Variants in DHRS4 observed in about 807,000 individuals in gnomAD.
DHRS4 encodes the protein dehydrogenase/reductase 4, also known as dehydrogenase/reductase SDR family member 4.
DHRS4 carries 20 observed loss-of-function variants against 28.4 expected under a neutral mutation model. That is an observed-to-expected ratio of 0.71 (90% CI 0.50 to 1.02). The LOEUF is 1.02. Among genes scored for constraint, DHRS4 ranks in the 50% least tolerant of loss-of-function variants. The pLI is 0.00. For missense variants in DHRS4, 378 were observed against 367.2 expected, an observed-to-expected ratio of 1.03 and a Z score of -0.24; for synonymous variants, 144 against 146.4, an observed-to-expected ratio of 0.98 and a Z score of 0.12.
chr14:23,963,337 A>G (rs2033490909), intron 3 of DHRS4, among the ~76,000 whole-genome samples: 1 of 123,366 alleles, frequency 8.1e-6, no homozygotes. Context: ...TTTCATCTAC[A>G]TTGAAAATCT....
At position 23,955,103 on chromosome 14, in the gene DHRS4, A is replaced by C. The variant is rs1302542415; in HGVS notation, c.197A>C (p.Gln66Pro). Residue 66 changes from glutamine (Q) to proline (P), a missense_variant, in exon 2 of 8, where the codon CAG becomes CCG. By Grantham distance (76) the Gln-to-Pro change is moderately conservative (BLOSUM62 -1). Coordinates refer to ENST00000313250, the MANE Select transcript of DHRS4 (RefSeq NM_021004.4). ...CATGTGGTCGTCAGCAGCCGGAAGC[A>C]GCAGAATGTGGACCAGGCGGTGGCC... ...GAHVVVSSRK[Q>P]QNVDQAVATL... 74 of 1,614,046 alleles carry C rather than the reference A, an allele frequency of 4.6e-5. No homozygotes were observed. The highest frequency in any genetic ancestry group is 6.1e-5 in the Non-Finnish European group (72 of 1,179,996).
chr14:23,964,919 G>T (rs1425039056), intron 3 of DHRS4, among the ~76,000 whole-genome samples: 2 of 147,442 alleles, frequency 1.4e-5, no homozygotes, highest in African/African-American at 2.5e-5. Context: ...TTTTATTTTT[G>T]TTCTTTGTAA....
At chr14:23,966,641 C>A (rs1238796819) in intron 6 of DHRS4, among the ~76,000 whole-genome samples, 6 of 151,972 alleles carry the variant, frequency 3.9e-5, no homozygotes, top group African/African-American at 1.2e-4. Context: ...ACTGTACTCA[C>A]ACTGTTTCCT....
In DHRS4 at chr14:23,955,128, C is replaced by T; in HGVS notation, c.222C>T (p.Ala74=). Residue 74 remains alanine, a synonymous_variant, in exon 2 of 8, where the codon GCC becomes GCT. Coordinates refer to ENST00000313250, the MANE Select transcript of DHRS4 (RefSeq NM_021004.4). ...AGCAGAATGTGGACCAGGCGGTGGC[C>T]ACGCTGCAGGGGGAGGGGCTGAGCG... ...RKQQNVDQAV[A]TLQGEGLSVT... The T allele has an allele frequency of 6.2e-7, 1 of 1,614,044 alleles. No individual in the cohort carries two copies. Among genetic ancestry groups the T allele is most frequent in the Admixed American group, 1.7e-5 (1 of 60,016 alleles).
At chr14:23,957,122 G>C (rs2033208497) in intron 2 of DHRS4, among the ~76,000 whole-genome samples, 1 of 152,146 alleles carries the variant, frequency 6.6e-6, no homozygotes, top group Admixed American at 6.5e-5. Context: ...TCCAGGTTTA[G>C]AGCAGTGGCG....
At chr14:23,958,082 TG>T (rs1368399021) in intron 2 of DHRS4, among the ~76,000 whole-genome samples, 1 of 151,964 alleles carries the variant, frequency 6.6e-6, no homozygotes, top group Non-Finnish European at 1.5e-5. Context: ...ACAAGTCCAT[TG>T]GTGAGACTTA....
chr14:23,960,386 GTAAT>G (rs2033368825), intron 3 of DHRS4, among the ~76,000 whole-genome samples: 1 of 151,950 alleles, frequency 6.6e-6, no homozygotes, highest in Admixed American at 6.6e-5. Context: ...CTGACAAAAA[GTAAT>G]TATTTTTTAC....
rs1199898113 is a variant in DHRS4, at chr14:23,964,244, A to C, written c.409-1518A>C. Among the ~76,000 whole-genome samples the C allele has an allele frequency of 1.3e-4, 18 of 136,988 alleles. 1 individual carries two copies. The highest frequency in any genetic ancestry group is 2.3e-4 in the African/African-American group (8 of 35,392). 89.9% of individuals were successfully genotyped at this position (136,988 alleles called of 152,430 possible). Reference sequence around the variant, plus strand: ...GTAAAAAAAAAAAAAAAAAAAAAAAAAAAAAAAAAACACAATATCTGCAAA... The same window carrying C: ...GTAAAAAAAAAAAAAAAAAAAAAAACAAAAAAAAAACACAATATCTGCAAA... On this transcript the variant is annotated intron_variant, in intron 3 of 7. Transcript: ENST00000313250.
At position 23,955,098 on chromosome 14, in the gene DHRS4, G is replaced by C; in HGVS notation, c.192G>C (p.Arg64=). The change falls in exon 2 of 8, where the codon CGG becomes CGC. Residue 64 remains arginine, a synonymous_variant. Coordinates refer to ENST00000313250, the MANE Select transcript of DHRS4 (RefSeq NM_021004.4). ...GGGCCCATGTGGTCGTCAGCAGCCG[G>C]AAGCAGCAGAATGTGGACCAGGCGG... is the stretch of plus-strand genomic sequence containing the variant. ...QDGAHVVVSS[R]KQQNVDQAVA... 1 of 1,614,190 alleles carries C rather than the reference G, an allele frequency of 6.2e-7. No homozygotes were observed. Among genetic ancestry groups the C allele is most frequent in the Non-Finnish European group, 8.5e-7 (1 of 1,180,002 alleles).
chr14:23,955,643 A>G (rs1202659160), intron 2 of DHRS4, among the ~76,000 whole-genome samples: 2 of 151,874 alleles, frequency 1.3e-5, no homozygotes, highest in Non-Finnish European at 2.9e-5. Context: ...TACACAGGTT[A>G]TCTCTAGACC....
chr14:23,968,618 T>C, intron 7 of DHRS4, 139 bp from the exon 8 acceptor site: 1 of 1,407,356 alleles, frequency 7.1e-7, no homozygotes. Context: ...CCCTATTTGA[T>C]AGGCAGAAAG....
chr14:23,958,502 G>A (rs2033266988), intron 2 of DHRS4, among the ~76,000 whole-genome samples: 1 of 152,146 alleles, frequency 6.6e-6, no homozygotes, highest in Non-Finnish European at 1.5e-5. Context: ...TCTAGCACAG[G>A]CCTCACTATC....
At chr14:23,956,384 G>C (rs943697896) in intron 2 of DHRS4, among the ~76,000 whole-genome samples, 36 of 152,202 alleles carry the variant, frequency 2.4e-4, no homozygotes, top group African/African-American at 7.5e-4. Flanking sequence ...GCCTGGCCCA[G>C]AGGTGGTACT....
Position 23,966,306 on chromosome 14 carries a change from T to C in DHRS4, c.555T>C (p.Ser185=). The part of the protein sequence containing the change: ...PSPGFSPYNV[S]KTALLGLTKT... ...AGGGCTTCAGTCCTTACAATGTCAG[T>C]AAAACAGCCTTGCTGGGCCTGACCA... The change falls in exon 6 of 8, where the codon AGT becomes AGC. Residue 185 remains serine, a synonymous_variant. Coordinates refer to ENST00000313250, the MANE Select transcript of DHRS4 (RefSeq NM_021004.4). The C allele has an allele frequency of 6.2e-7, 1 of 1,613,906 alleles. No homozygotes were observed. Among genetic ancestry groups the C allele is most frequent in the Non-Finnish European group, 8.5e-7 (1 of 1,179,986 alleles).
In DHRS4 at chr14:23,964,388, C is replaced by A. The variant is rs1323528992; in HGVS notation, c.409-1374C>A. Among the ~76,000 whole-genome samples the A allele has an allele frequency of 1.0e-4, 15 of 147,176 alleles. 1 individual carries two copies. The Admixed American group carries it at 1.0e-3, about 10-fold the overall frequency. Reference sequence around the variant, plus strand: ...TGATTGAACTCTGGACTTTAAAAAACACACACACACATTTGGGGGATAATT... The same window carrying A: ...TGATTGAACTCTGGACTTTAAAAAAAACACACACACATTTGGGGGATAATT... On this transcript the variant is annotated intron_variant, in intron 3 of 7. Transcript: ENST00000313250.
At chr14:23,968,516 G>C (rs1311500472) in intron 7 of DHRS4, among the ~76,000 whole-genome samples, 1 of 150,798 alleles carries the variant, frequency 6.6e-6, no homozygotes, top group Non-Finnish European at 1.5e-5. Context: ...CTAAAAACCG[G>C]TGTGTTTCTA....
Position 23,969,156 on chromosome 14 carries a change from C to A in DHRS4, c.*285C>A. 2.2e-6 allele frequency: 1 copy of A among 445,902 alleles called. No homozygotes were observed. Among genetic ancestry groups the A allele is most frequent in the Non-Finnish European group, 3.7e-6 (1 of 268,416 alleles). 27.6% of individuals were successfully genotyped at this position (445,902 alleles called of 1,614,324 possible). Reference sequence around the variant, plus strand: ...AAGACCAAGATATTTTTTCCCGGGCCACTGGGGAATCTGAGGGGTGATGGG... The same window carrying A: ...AAGACCAAGATATTTTTTCCCGGGCAACTGGGGAATCTGAGGGGTGATGGG... On this transcript the variant is annotated 3_prime_UTR_variant, in exon 8 of 8. Transcript: ENST00000313250.
Position 23,959,715 on chromosome 14 carries a change from C to T in DHRS4, c.307-187C>T, listed in dbSNP as rs183060139. The stretch of plus-strand genomic sequence containing the variant: ...TGTTTTTAATATAAAGATAAGGTCT[C>T]GCTGCATGGCCCAGGCTTCTCTCAA... On this transcript the variant is annotated intron_variant, in intron 2 of 7. Transcript: ENST00000313250. Among the ~76,000 whole-genome samples the T allele has an allele frequency of 4.3e-3, 657 of 151,838 alleles. 5 individuals are homozygous for T. The highest frequency in any genetic ancestry group is 6.7e-3 in the Non-Finnish European group (457 of 67,972).
Position 23,956,972 on chromosome 14 carries a change from C to A in DHRS4, c.306+1760C>A, listed in dbSNP as rs72488276. Among the ~76,000 whole-genome samples, 47 of 152,262 alleles carry A rather than the reference C, an allele frequency of 3.1e-4. No homozygotes were observed. In the East Asian group the frequency reaches 4.3e-3, roughly 14 times the overall value. On this transcript the variant is annotated intron_variant, in intron 2 of 7. Transcript: ENST00000313250. ...CCTCTTAAAAGGATATGTTTACACACCCTTGTAGCAAATAAGAAGCCATGT... is the reference window on the plus strand; with the variant it reads ...CCTCTTAAAAGGATATGTTTACACAACCTTGTAGCAAATAAGAAGCCATGT...
Sources: allele counts gnomAD v4.1 joint callset (sites outside exome capture counted in the v4.1 genomes callset), GRCh38; gene constraint gnomAD v4.1.1; transcripts MANE v1.5; gene names NCBI Gene and HGNC (gene_info 2026-07-23, HGNC 2026-07-21).